TMEM272: variants seen among roughly 807,000 people sequenced by gnomAD.
TMEM272 encodes long intergenic non-protein coding RNA 282.
Under a neutral mutation model 3.7 loss-of-function variants are expected in TMEM272, and 8 were observed. The observed-to-expected ratio is 2.17, with a 90% CI of 1.27 to 3.91. The LOEUF (loss-of-function observed/expected upper bound fraction) is 3.91, where lower values mean the gene tolerates loss of function less well. TMEM272 is among the 30% of genes most tolerant of loss of function. The pLI is 0.00. For synonymous variants in TMEM272, 63 were observed against 39.8 expected (o/e 1.58, Z -2.20); for missense variants, 166 against 91.5 (o/e 1.81, Z -3.32).
intron 2 of TMEM272, among the ~76,000 whole-genome samples, chr13:51,829,887 C>T (rs1184799240): frequency 6.6e-6 from 1 of 152,132 alleles, no homozygotes; most frequent in African/African-American, 2.4e-5. Context: ...GTACTCTGAC[C>T]CTCCCCTTTT....
the TMEM272 span, among the ~76,000 whole-genome samples, chr13:51,916,348 T>C: frequency 1.3e-5 from 2 of 152,092 alleles, no homozygotes; most frequent in African/African-American, 2.4e-5. Flanking sequence ...CAGTTCTTTC[T>C]CCATGAAACA....
At chr13:51,871,862 G>A in the TMEM272 span, among the ~76,000 whole-genome samples, 65,200 of 144,464 alleles carry the variant, frequency 0.45, 15,921 homozygotes, top group Non-Finnish European at 0.55. Flanking sequence ...ACGCCCAGAG[G>A]CTTTCCAGCC....
At chr13:51,866,641 C>T in the TMEM272 span, among the ~76,000 whole-genome samples, 1 of 152,228 alleles carries the variant, frequency 6.6e-6, no homozygotes, top group Non-Finnish European at 1.5e-5. Flanking sequence ...ACGACCCACT[C>T]ACTGGTAGTT....
chr13:51,891,086 T>C, the TMEM272 span, among the ~76,000 whole-genome samples: 1 of 152,016 alleles, frequency 6.6e-6, no homozygotes, highest in African/African-American at 2.4e-5. Flanking sequence ...GACACAAACA[T>C]AAGAAATGGG....
At chr13:51,877,661 C>G in the TMEM272 span, among the ~76,000 whole-genome samples, 2 of 152,180 alleles carry the variant, frequency 1.3e-5, no homozygotes, top group Non-Finnish European at 2.9e-5. Flanking sequence ...CCAGAGCTTT[C>G]AGCATTTTTC....
chr13:51,921,039 G>A, the TMEM272 span, among the ~76,000 whole-genome samples: 2 of 152,206 alleles, frequency 1.3e-5, no homozygotes, highest in African/African-American at 4.8e-5. Flanking sequence ...GCGACGCCTG[G>A]TGGGAGAGGA....
chr13:51,888,916 A>AT, the TMEM272 span, among the ~76,000 whole-genome samples: 2 of 152,104 alleles, frequency 1.3e-5, no homozygotes, highest in Admixed American at 6.5e-5. Context: ...AAGTGCTGGG[A>AT]TTACAGGTAT....
chr13:51,931,526 A>C, the TMEM272 span, among the ~76,000 whole-genome samples: 1 of 152,160 alleles, frequency 6.6e-6, no homozygotes, highest in African/African-American at 2.4e-5. Context: ...CATTACGAGA[A>C]ATACCTAATG....
the TMEM272 span, among the ~76,000 whole-genome samples, chr13:51,871,784 CTACACACACACACACACA>C: frequency 9.9e-6 from 1 of 100,604 alleles, no homozygotes; most frequent in Non-Finnish European, 2.0e-5. Flanking sequence ...TAATCTCCCC[CTACACACACACACACACA>C]CACACACACA....
the TMEM272 span, among the ~76,000 whole-genome samples, chr13:51,918,630 T>G: frequency 1.3e-5 from 2 of 152,056 alleles, no homozygotes; most frequent in Non-Finnish European, 2.9e-5. Context: ...TTTTTATTTA[T>G]TTAGTTAGTC....
intron 1 of TMEM272, among the ~76,000 whole-genome samples, chr13:51,839,651 A>C (rs1956244683): frequency 6.6e-6 from 1 of 152,192 alleles, no homozygotes; most frequent in Non-Finnish European, 1.5e-5. Context: ...GGCTTAGGGC[A>C]GGGGGAACAG....
the TMEM272 span, among the ~76,000 whole-genome samples, chr13:51,916,841 T>C: frequency 6.6e-6 from 1 of 152,354 alleles, no homozygotes; most frequent in East Asian, 1.9e-4. Context: ...AGTACCCTTC[T>C]ACCCCTTCAA....
At chr13:51,911,651 G>C in the TMEM272 span, among the ~76,000 whole-genome samples, 1 of 152,194 alleles carries the variant, frequency 6.6e-6, no homozygotes, top group African/African-American at 2.4e-5. Flanking sequence ...GGTTTCTGGA[G>C]ACTCTGGGTT....
the TMEM272 span, among the ~76,000 whole-genome samples, chr13:51,901,430 C>A: frequency 7.1e-6 from 1 of 140,998 alleles, no homozygotes; most frequent in Non-Finnish European, 1.6e-5. Context: ...GCCTGTGCCC[C>A]ACCCGCCCTC....
At chr13:51,922,345 C>T in the TMEM272 span, among the ~76,000 whole-genome samples, 40 of 152,280 alleles carry the variant, frequency 2.6e-4, no homozygotes, top group Admixed American at 1.8e-3. Flanking sequence ...TGGGCGTGGC[C>T]CAGGCTTAGG....
At chr13:51,893,525 ATG>A in the TMEM272 span, among the ~76,000 whole-genome samples, 1 of 152,042 alleles carries the variant, frequency 6.6e-6, no homozygotes, top group African/African-American at 2.4e-5. Context: ...ACAACGATGA[ATG>A]TGTGTTTTTC....
At chr13:51,908,263 C>A in the TMEM272 span, 2 of 849,958 alleles carry the variant, frequency 2.4e-6, no homozygotes, top group Non-Finnish European at 3.9e-6. Context: ...CATTTGAAGG[C>A]AGACTCAACC....
chr13:51,875,044 ATGCGGCTTTAACCCTT>A, the TMEM272 span, among the ~76,000 whole-genome samples: 2,519 of 152,268 alleles, frequency 0.017, 53 homozygotes, highest in African/African-American at 0.058. Context: ...TCCCTAACCA[ATGCGGCTTTAACCCTT>A]TGCTGCAGAG....
chr13:51,840,331 T>C (rs1956250925), intron 1 of TMEM272, among the ~76,000 whole-genome samples: 1 of 152,168 alleles, frequency 6.6e-6, no homozygotes, highest in Non-Finnish European at 1.5e-5. Flanking sequence ...CTTGATCCTA[T>C]TTAACCAGGC....
Sources: allele counts gnomAD v4.1 joint callset (sites outside exome capture counted in the v4.1 genomes callset), GRCh38; gene constraint gnomAD v4.1.1; transcripts MANE v1.5; gene names NCBI Gene and HGNC (gene_info 2026-07-23, HGNC 2026-07-21).